The following TMEM114 variants were observed in gnomAD, a reference collection of about 807,000 sequenced individuals.
TMEM114 encodes claudin-26.
A neutral mutation model predicts 6.2 loss-of-function variants in TMEM114; 6 were observed. The ratio of observed to expected loss-of-function variants is 0.97; its 90% CI spans 0.53 to 1.91. The LOEUF (loss-of-function observed/expected upper bound fraction) is 1.91, where lower values mean the gene tolerates loss of function less well. TMEM114 is among the 40% of genes most tolerant of loss of function. The probability of loss-of-function intolerance (pLI) is 0.01; values close to 1 mark genes in which losing one functional copy is unlikely to be tolerated. For missense variants in TMEM114, 218 were observed against 158.3 expected, an observed-to-expected ratio of 1.38 and a Z score of -2.02; for synonymous variants, 104 against 73.0, an observed-to-expected ratio of 1.42 and a Z score of -2.16.
At chr16:8,562,624 GTGAA>G (rs1231598239) in intron 2 of TMEM114, among the ~76,000 whole-genome samples, 1 of 151,622 alleles carries the variant, frequency 6.6e-6, no homozygotes, top group African/African-American at 2.4e-5. Context: ...GAGTGAGTGA[GTGAA>G]TGAATCAGTC....
intron 2 of TMEM114, among the ~76,000 whole-genome samples, chr16:8,578,552 G>T (rs1252098120): frequency 1.3e-5 from 2 of 152,278 alleles, no homozygotes; most frequent in South Asian, 2.1e-4. Context: ...AGTCACATTC[G>T]CAGGTACTGG....
In TMEM114 at chr16:8,555,345, C is replaced by G. The variant is rs536265997; in HGVS notation, n.213-17519G>C. On this transcript the variant is annotated intron_variant and non_coding_transcript_variant, in intron 2 of 2. Transcript: ENST00000623677. The stretch of plus-strand genomic sequence containing the variant: ...CTGCTCCTGCAAGAGCAGGGCTACC[C>G]CACAGGCAATGTGCTAAGAGTAGCA... Among the ~76,000 whole-genome samples the G allele has an allele frequency of 3.5e-3, 528 of 152,310 alleles. 5 individuals carry two copies. The highest frequency in any genetic ancestry group is 6.5e-3 in the Non-Finnish European group (445 of 68,030).
At chr16:8,548,494 C>G (rs1190668131) in intron 2 of TMEM114, among the ~76,000 whole-genome samples, 1 of 151,932 alleles carries the variant, frequency 6.6e-6, no homozygotes, top group East Asian at 1.9e-4. Flanking sequence ...TAATCGTCAC[C>G]CCACACACAC....
intron 2 of TMEM114, among the ~76,000 whole-genome samples, chr16:8,553,450 G>A (rs1900907211): frequency 6.6e-6 from 1 of 151,998 alleles, no homozygotes; most frequent in Non-Finnish European, 1.5e-5. Context: ...AGGCTGGAGT[G>A]CAGTGGCACT....
chr16:8,576,401 G>A (rs1901931339), intron 2 of TMEM114, among the ~76,000 whole-genome samples: 1 of 152,214 alleles, frequency 6.6e-6, no homozygotes, highest in African/African-American at 2.4e-5. Context: ...TCCCCATGGA[G>A]TGTGTTCTCC....
the TMEM114 span, among the ~76,000 whole-genome samples, chr16:8,531,187 A>T: frequency 1.3e-5 from 2 of 152,256 alleles, no homozygotes; most frequent in Non-Finnish European, 2.9e-5. Flanking sequence ...ACACAGTGCT[A>T]GTGTGCTGTT....
At chr16:8,564,894 T>A (rs374442442), downstream of TMEM114, among the ~76,000 whole-genome samples, 3 of 34,748 alleles carry the variant, frequency 8.6e-5, no homozygotes, top group African/African-American at 4.2e-4. Flanking sequence ...AATGAGTGAG[T>A]GAGTGAATGA....
Position 8,569,511 on chromosome 16 carries a change from G to C in TMEM114, c.*262C>G. On this transcript the variant is annotated 3_prime_UTR_variant, in exon 4 of 4. Coordinates refer to ENST00000620492, the MANE Select transcript of TMEM114 (RefSeq NM_001146336.2). ...TGTAAAGCTCTGTGTGTGATTAAAG[G>C]ATCGTTTTTATTTCTCGCGAAGCGG... 1 of 1,381,430 alleles carries C rather than the reference G, an allele frequency of 7.2e-7. No homozygotes were observed. Among genetic ancestry groups the C allele is most frequent in the South Asian group, 1.7e-5 (1 of 58,802 alleles). The allele number at this position is 1,381,430 out of a possible 1,614,324, so 85.6% of individuals were successfully genotyped here. A position where few individuals can be genotyped will look rare whatever the true frequency, so the allele number is the denominator to read the frequency against.
intron 3 of TMEM114, among the ~76,000 whole-genome samples, chr16:8,570,639 C>T (rs1420887650): frequency 6.6e-6 from 1 of 152,194 alleles, no homozygotes. Context: ...TAACTAACAT[C>T]TGTCTCCCCC....
chr16:8,536,940 G>T (rs1280977406), downstream of TMEM114, among the ~76,000 whole-genome samples: 1 of 152,082 alleles, frequency 6.6e-6, no homozygotes, highest in South Asian at 2.1e-4. Context: ...AGGTGCAGTG[G>T]CTCACACCTG....
At chr16:8,542,604 A>G (rs545563656) in intron 2 of TMEM114, among the ~76,000 whole-genome samples, 72 of 152,250 alleles carry the variant, frequency 4.7e-4, no homozygotes, top group African/African-American at 1.7e-3. Context: ...CGTTCTAAAT[A>G]TTGATTCTGT....
At chr16:8,531,476 A>G in the TMEM114 span, among the ~76,000 whole-genome samples, 353 of 152,348 alleles carry the variant, frequency 2.3e-3, 1 homozygote, top group African/African-American at 8.1e-3. Context: ...AGTTATCACA[A>G]GGGAAGCCAT....
In TMEM114 at chr16:8,574,933, T is replaced by A. The variant is rs527618630; in HGVS notation, c.302-2709A>T. The stretch of plus-strand genomic sequence containing the variant: ...GTGTGCCCTATTCTTTGCTACATTT[T>A]TTTCCCAGGATTGTGGCTTTGGAAC... On this transcript the variant is annotated intron_variant, in intron 2 of 3. Transcript: ENST00000620492. Among the ~76,000 whole-genome samples, 3 of 152,272 alleles carry A rather than the reference T, an allele frequency of 2.0e-5. No homozygotes were observed. In the South Asian group the frequency reaches 6.2e-4, roughly 32 times the overall value.
rs771760042 is a variant in TMEM114 at position 8,574,550 on chromosome 16, CTTCT to C, written c.302-2330_302-2327del. Among the ~76,000 whole-genome samples the C allele has an allele frequency of 1.3e-3, 185 of 147,014 alleles. 1 individual carries two copies. The highest frequency in any genetic ancestry group is 8.5e-3 in the Admixed American group (124 of 14,558). On this transcript the variant is annotated intron_variant, in intron 2 of 3. Coordinates refer to ENST00000620492, the MANE Select transcript of TMEM114 (RefSeq NM_001146336.2). ...CAGGGGATGAGACCTGTGGTCTTTC[CTTCT>C]TTCTTTCTTTCTTTCTTTCCTTCCT...
At chr16:8,533,479 G>A (rs145205646), downstream of TMEM114, among the ~76,000 whole-genome samples, 39 of 152,292 alleles carry the variant, frequency 2.6e-4, no homozygotes, top group African/African-American at 6.5e-4. Context: ...GGTTCATGTC[G>A]GAGCCTTTGA....
chr16:8,539,812 A>G (rs143608006), intron 2 of TMEM114, among the ~76,000 whole-genome samples: 1 of 152,186 alleles, frequency 6.6e-6, no homozygotes, highest in East Asian at 1.9e-4. Context: ...CAAATATGCT[A>G]TTTTTTTAAT....
chr16:8,558,478 G>A (rs1330878943), intron 2 of TMEM114, among the ~76,000 whole-genome samples: 1 of 152,026 alleles, frequency 6.6e-6, no homozygotes, highest in Non-Finnish European at 1.5e-5. Flanking sequence ...ACCAGTCATT[G>A]GTTTTAGGGC....
chr16:8,559,725 GGA>G (rs1901138134), intron 2 of TMEM114, among the ~76,000 whole-genome samples: 1 of 151,822 alleles, frequency 6.6e-6, no homozygotes. Flanking sequence ...ACCCTCACAA[GGA>G]GAAGGTGGCT....
At chr16:8,576,813 T>C (rs1901954423) in intron 2 of TMEM114, among the ~76,000 whole-genome samples, 1 of 152,094 alleles carries the variant, frequency 6.6e-6, no homozygotes, top group Admixed American at 6.5e-5. Context: ...TATTTTGGGA[T>C]GGGTATTGTA....
Sources: gnomAD v4.1 joint callset for allele counts (sites outside exome capture counted in the v4.1 genomes callset) on GRCh38, gnomAD v4.1.1 for gene constraint, MANE v1.5 for transcripts, NCBI Gene and HGNC (gene_info 2026-07-23, HGNC 2026-07-21) for gene names.